FCHSD2: variants seen among roughly 807,000 people sequenced by gnomAD.
FCHSD2 encodes the protein FCH and double SH3 domains 2, also known as F-BAR and double SH3 domains protein 2.
In FCHSD2, 38 loss-of-function variants were observed where a neutral mutation model predicts 108.1. The ratio of observed to expected loss-of-function variants is 0.35; its 90% CI spans 0.27 to 0.46. The LOEUF is 0.46. FCHSD2 is among the 20% of genes least tolerant of loss of function. The probability of loss-of-function intolerance (pLI) is 1.00; values close to 1 mark genes in which losing one functional copy is unlikely to be tolerated. For missense variants in FCHSD2, 751 were observed against 897.8 expected, an observed-to-expected ratio of 0.84 and a Z score of 2.09; for synonymous variants, 279 against 314.7, an observed-to-expected ratio of 0.89 and a Z score of 1.20.
chr11:73,109,117 T>C lies in FCHSD2; in HGVS notation c.120-25377A>G, dbSNP rs558599129. On this transcript the variant is annotated intron_variant, in intron 2 of 19. Transcript: ENST00000409418. ...TGTGTCTGTTTTTATGCCAGTACCATGCTGTTTTGTAGTATAATTTGAAGT... is the reference window on the plus strand; with the variant it reads ...TGTGTCTGTTTTTATGCCAGTACCACGCTGTTTTGTAGTATAATTTGAAGT... Among the ~76,000 whole-genome samples, 5 of 152,336 alleles carry C rather than the reference T, an allele frequency of 3.3e-5. No homozygotes were observed. In the East Asian group the frequency reaches 9.6e-4, roughly 29 times the overall value.
chr11:72,919,765 T>C (rs1009433039), intron 9 of FCHSD2, among the ~76,000 whole-genome samples: 13 of 151,616 alleles, frequency 8.6e-5, no homozygotes, highest in African/African-American at 2.9e-4. Flanking sequence ...CTGATAAAAT[T>C]AGAATAAATG....
intron 8 of FCHSD2, among the ~76,000 whole-genome samples, chr11:72,933,216 T>G (rs927403097): frequency 5.3e-5 from 8 of 152,188 alleles, no homozygotes; most frequent in Non-Finnish European, 1.2e-4. Flanking sequence ...GGTGGTCCCT[T>G]GACTTAAATT....
chr11:72,861,223 G>C (rs1439067461), intron 13 of FCHSD2, among the ~76,000 whole-genome samples: 1 of 152,168 alleles, frequency 6.6e-6, no homozygotes, highest in African/African-American at 2.4e-5. Context: ...TAATTTTCCA[G>C]ATAATCAAAG....
At chr11:72,920,583 TAAC>T (rs376801969) in intron 9 of FCHSD2, among the ~76,000 whole-genome samples, 2 of 152,026 alleles carry the variant, frequency 1.3e-5, no homozygotes, top group East Asian at 1.9e-4. Flanking sequence ...CTACTAAAAA[TAAC>T]AACAACAACA....
chr11:72,972,080 T>C (rs185369923), intron 8 of FCHSD2, among the ~76,000 whole-genome samples: 62 of 152,336 alleles, frequency 4.1e-4, no homozygotes, highest in Non-Finnish European at 8.1e-4. Context: ...TTAATCTCTT[T>C]AAAATTTTCT....
At chr11:72,964,741 T>C (rs1414801087) in intron 8 of FCHSD2, among the ~76,000 whole-genome samples, 3 of 152,132 alleles carry the variant, frequency 2.0e-5, no homozygotes, top group Admixed American at 6.5e-5. Context: ...CTGCCTTTCA[T>C]ATTGCTGCCA....
In FCHSD2 at chr11:72,844,751, A is replaced by C. The variant is rs989107849; in HGVS notation, c.1444-1219T>G. Among the ~76,000 whole-genome samples the C allele has an allele frequency of 6.6e-5, 10 of 152,318 alleles. 1 individual carries two copies. Among genetic ancestry groups the C allele is most frequent in the South Asian group, 4.1e-4 (2 of 4,826 alleles). On this transcript the variant is annotated intron_variant, in intron 14 of 19. Coordinates refer to ENST00000409418, the MANE Select transcript of FCHSD2 (RefSeq NM_014824.3). ...AGTTTTTAAAATCTCACAATCTCAA[A>C]ATGTAAAATTAACTCCAAGTTACAC...
At chr11:73,058,458 C>A (rs888431437) in intron 3 of FCHSD2, among the ~76,000 whole-genome samples, 1 of 152,072 alleles carries the variant, frequency 6.6e-6, no homozygotes, top group African/African-American at 2.4e-5. Flanking sequence ...GATTTGAATA[C>A]TACTAGTATA....
intron 3 of FCHSD2, among the ~76,000 whole-genome samples, chr11:73,045,548 G>C (rs1858741635): frequency 6.6e-6 from 1 of 151,520 alleles, no homozygotes. Context: ...AATGGATTAA[G>C]AAAATGTGGC....
intron 12 of FCHSD2, among the ~76,000 whole-genome samples, chr11:72,877,112 G>A (rs1395671955): frequency 6.6e-6 from 1 of 151,780 alleles, no homozygotes; most frequent in African/African-American, 2.4e-5. Context: ...TCAGCCTCCT[G>A]AGTAGCTGGG....
intron 2 of FCHSD2, among the ~76,000 whole-genome samples, chr11:73,127,321 G>A (rs574779987): frequency 6.6e-6 from 1 of 152,242 alleles, no homozygotes; most frequent in East Asian, 1.9e-4. Flanking sequence ...AACAAAGCAC[G>A]ATCAAGGAAT....
chr11:73,132,995 G>A (rs565217183), intron 2 of FCHSD2, among the ~76,000 whole-genome samples: 1 of 152,042 alleles, frequency 6.6e-6, no homozygotes, highest in South Asian at 2.1e-4. Context: ...TATACAAATG[G>A]CCAATAAGCA....
At chr11:72,874,946 G>GA (rs1234934117) in intron 12 of FCHSD2, among the ~76,000 whole-genome samples, 1 of 152,122 alleles carries the variant, frequency 6.6e-6, no homozygotes, top group Non-Finnish European at 1.5e-5. Flanking sequence ...TAAAGAGACA[G>GA]AGCTTTTAAA....
intron 10 of FCHSD2, among the ~76,000 whole-genome samples, chr11:72,898,984 A>G (rs1289757010): frequency 6.6e-6 from 1 of 152,000 alleles, no homozygotes; most frequent in African/African-American, 2.4e-5. Context: ...GGCTCAAGCA[A>G]TGCACCCACC....
At chr11:73,094,169 C>T (rs2135525522) in intron 2 of FCHSD2, among the ~76,000 whole-genome samples, 1 of 152,190 alleles carries the variant, frequency 6.6e-6, no homozygotes, top group Admixed American at 6.5e-5. Context: ...CAAGACCACG[C>T]CAATGCACTC....
chr11:72,978,718 C>T (rs1857155707), intron 8 of FCHSD2, among the ~76,000 whole-genome samples: 1 of 152,108 alleles, frequency 6.6e-6, no homozygotes, highest in Non-Finnish European at 1.5e-5. Flanking sequence ...CTCTCCTACC[C>T]CCATGTCAAG....
intron 13 of FCHSD2, among the ~76,000 whole-genome samples, chr11:72,866,158 T>C (rs1854716201): frequency 6.6e-6 from 1 of 152,218 alleles, no homozygotes; most frequent in South Asian, 2.1e-4. Flanking sequence ...TTTGCTGTCA[T>C]CAAAAACTCT....
At chr11:73,109,413 T>C (rs909924110) in intron 2 of FCHSD2, among the ~76,000 whole-genome samples, 2 of 152,230 alleles carry the variant, frequency 1.3e-5, no homozygotes, top group African/African-American at 2.4e-5. Context: ...CAATGTTTTA[T>C]AGTTTTCATT....
At chr11:73,036,739 T>C (rs1418955502) in intron 3 of FCHSD2, among the ~76,000 whole-genome samples, 1 of 152,244 alleles carries the variant, frequency 6.6e-6, no homozygotes, top group Non-Finnish European at 1.5e-5. Context: ...TTCTACTATA[T>C]ACAAGGTACT....
Sources: allele counts gnomAD v4.1 joint callset (sites outside exome capture counted in the v4.1 genomes callset), GRCh38; gene constraint gnomAD v4.1.1; transcripts MANE v1.5; gene names NCBI Gene and HGNC (gene_info 2026-07-23, HGNC 2026-07-21).